Variants in EXT2 observed in about 807,000 individuals in gnomAD.
The protein encoded by EXT2 is exostosin-2.
Under a neutral mutation model 81.6 loss-of-function variants are expected in EXT2, and 53 were observed. The observed-to-expected ratio is 0.65, with a 90% CI of 0.52 to 0.82. The LOEUF (loss-of-function observed/expected upper bound fraction) is 0.82, where lower values mean the gene tolerates loss of function less well. Ranked by LOEUF, EXT2 falls within the 40% of genes least tolerant of loss-of-function variation. EXT2 has a pLI of 0.00. For synonymous variants in EXT2, 320 were observed against 340.0 expected (o/e 0.94, Z 0.65); for missense variants, 774 against 910.2 (o/e 0.85, Z 1.93).
intron 10 of EXT2, among the ~76,000 whole-genome samples, chr11:44,217,792 CAT>C (rs1344535432): frequency 1.2e-4 from 18 of 152,070 alleles, no homozygotes; most frequent in Non-Finnish European, 1.6e-4. Context: ...CAGTTTAAAA[CAT>C]GTGGCAGAAA....
intron 7 of EXT2, 58 bp from the exon 8 acceptor site, chr11:44,171,553 T>C: frequency 1.2e-6 from 2 of 1,612,852 alleles, no homozygotes; most frequent in Admixed American, 1.7e-5. Flanking sequence ...TGATAGAGTA[T>C]CTAGTTTTCC....
chr11:44,100,329 ATCAC>A (rs945079495), intron 1 of EXT2, among the ~76,000 whole-genome samples: 5 of 152,326 alleles, frequency 3.3e-5, no homozygotes, highest in Middle Eastern at 3.4e-3. Context: ...TGAAAATGGA[ATCAC>A]TCACCCTCAG....
intron 8 of EXT2, among the ~76,000 whole-genome samples, chr11:44,179,164 A>G (rs1260562325): frequency 6.6e-6 from 1 of 152,160 alleles, no homozygotes; most frequent in South Asian, 2.1e-4. Context: ...CCAGATCCAG[A>G]TGGGGAGGAT....
chr11:44,242,243 G>T (rs1329237033), intron 13 of EXT2, among the ~76,000 whole-genome samples: 1 of 152,196 alleles, frequency 6.6e-6, no homozygotes, highest in African/African-American at 2.4e-5. Flanking sequence ...CATATTTACA[G>T]GCGGAACAAC....
At chr11:44,168,512 A>G (rs1955026358) in intron 7 of EXT2, among the ~76,000 whole-genome samples, 1 of 152,240 alleles carries the variant, frequency 6.6e-6, no homozygotes, top group South Asian at 2.1e-4. Flanking sequence ...CCTCAGTGGG[A>G]TAAATACAAA....
At chr11:44,201,108 G>A (rs943224455) in intron 9 of EXT2, among the ~76,000 whole-genome samples, 7 of 152,088 alleles carry the variant, frequency 4.6e-5, no homozygotes, top group Non-Finnish European at 8.8e-5. Context: ...TTTCTATTTC[G>A]TCTGTTATAG....
intron 13 of EXT2, among the ~76,000 whole-genome samples, chr11:44,239,654 G>A (rs972969528): frequency 1.4e-5 from 2 of 144,180 alleles, no homozygotes; most frequent in Admixed American, 7.0e-5. Flanking sequence ...GCCTCCCAAA[G>A]TGCTGGGATT....
At chr11:44,233,037 CTGTT>C (rs1276427457) in intron 11 of EXT2, among the ~76,000 whole-genome samples, 5 of 152,110 alleles carry the variant, frequency 3.3e-5, no homozygotes, top group Admixed American at 6.6e-5. Context: ...ATTTTCATAA[CTGTT>C]TGTACTCATG....
At chr11:44,098,875 A>G (rs937459258) in intron 1 of EXT2, among the ~76,000 whole-genome samples, 2 of 152,188 alleles carry the variant, frequency 1.3e-5, no homozygotes, top group African/African-American at 4.8e-5. Flanking sequence ...AGGAAAGATA[A>G]TAGTCAGAGG....
At chr11:44,120,586 A>T (rs1359815565) in intron 4 of EXT2, among the ~76,000 whole-genome samples, 1 of 152,266 alleles carries the variant, frequency 6.6e-6, no homozygotes, top group Non-Finnish European at 1.5e-5. Context: ...GGGAGAAGGC[A>T]GGGTGGGCCA....
At chr11:44,173,563 C>CTT (rs66702988) in intron 8 of EXT2, among the ~76,000 whole-genome samples, 130 of 100,062 alleles carry the variant, frequency 1.3e-3, no homozygotes, top group African/African-American at 2.0e-3. Flanking sequence ...TTCTTTCTTT[C>CTT]TTTTTTTTTT....
At chr11:44,206,317 A>G (rs1315729327) in intron 9 of EXT2, among the ~76,000 whole-genome samples, 1 of 152,226 alleles carries the variant, frequency 6.6e-6, no homozygotes, top group Non-Finnish European at 1.5e-5. Flanking sequence ...CAGCTAGGAT[A>G]TACTTATCTG....
At chr11:44,099,592 G>A (rs1223610795) in intron 1 of EXT2, among the ~76,000 whole-genome samples, 1 of 152,202 alleles carries the variant, frequency 6.6e-6, no homozygotes, top group Non-Finnish European at 1.5e-5. Context: ...AAAGTGCTGG[G>A]ATTACAGGTG....
At chr11:44,158,268 C>T (rs1954882489) in intron 7 of EXT2, among the ~76,000 whole-genome samples, 1 of 152,194 alleles carries the variant, frequency 6.6e-6, no homozygotes, top group African/African-American at 2.4e-5. Flanking sequence ...GTTCTGAGCC[C>T]AGACTTGCCC....
In EXT2 at chr11:44,115,516, A is replaced by G. The variant is rs568180227; in HGVS notation, c.743+1215A>G. On this transcript the variant is annotated intron_variant, in intron 4 of 13. Transcript: ENST00000533608. Reference sequence around the variant, plus strand: ...AAAATTGTGCTATTTCCTGGTGAGAATCTCAGTGAGCTTTAAACAAACATG... The same window carrying G: ...AAAATTGTGCTATTTCCTGGTGAGAGTCTCAGTGAGCTTTAAACAAACATG... 2.6e-5 allele frequency among the ~76,000 whole-genome samples: 4 copies of G among 152,288 alleles called. No homozygotes were observed. The East Asian group carries it at 7.7e-4, about 29-fold the overall frequency.
chr11:44,158,502 C>T (rs568686746), intron 7 of EXT2, among the ~76,000 whole-genome samples: 2 of 151,582 alleles, frequency 1.3e-5, no homozygotes, highest in Non-Finnish European at 2.9e-5. Context: ...AGAAAGATTC[C>T]TTCCAAAATA....
At chr11:44,191,590 A>G (rs182491545) in intron 8 of EXT2, among the ~76,000 whole-genome samples, 458 of 152,284 alleles carry the variant, frequency 3.0e-3, no homozygotes, top group Middle Eastern at 6.8e-3. Flanking sequence ...GGAGGTTTAA[A>G]TTTGCTTGAT....
Position 44,236,260 on chromosome 11 carries a change from A to G in EXT2, c.1936-33A>G, listed in dbSNP as rs1374439237. ...CATGATTTTATTGTCCTTGACACTGACAGCCAGGTATGTTTTTGTCCTCCT... is the reference window on the plus strand; with the variant it reads ...CATGATTTTATTGTCCTTGACACTGGCAGCCAGGTATGTTTTTGTCCTCCT... On this transcript the variant is annotated intron_variant, in intron 12 of 13. Coordinates refer to ENST00000533608, the MANE Select transcript of EXT2 (RefSeq NM_207122.2). 1.9e-6 allele frequency: 3 copies of G among 1,594,518 alleles called. No homozygotes were observed. In the Middle Eastern group the frequency reaches 5.0e-4, roughly 265 times the overall value.
At chr11:44,201,235 G>C (rs1276049487) in intron 9 of EXT2, among the ~76,000 whole-genome samples, 1 of 152,158 alleles carries the variant, frequency 6.6e-6, no homozygotes, top group Non-Finnish European at 1.5e-5. Context: ...AAGATTTCTA[G>C]CTATGACACA....
Sources: gnomAD v4.1 joint callset for allele counts (sites outside exome capture counted in the v4.1 genomes callset) on GRCh38, gnomAD v4.1.1 for gene constraint, MANE v1.5 for transcripts, NCBI Gene and HGNC (gene_info 2026-07-23, HGNC 2026-07-21) for gene names.